HSD17B3: variants seen among roughly 807,000 people sequenced by gnomAD.
HSD17B3 encodes 17-beta-hydroxysteroid dehydrogenase type 3.
A neutral mutation model predicts 41.1 loss-of-function variants in HSD17B3; 29 were observed. That is an observed-to-expected ratio of 0.71 (90% CI 0.53 to 0.96). HSD17B3 has a LOEUF of 0.96. HSD17B3 is among the 40% of genes least tolerant of loss of function. The pLI is 0.00. For synonymous variants in HSD17B3, 126 were observed against 145.6 expected, an observed-to-expected ratio of 0.87 and a Z score of 0.97; for missense variants, 323 against 374.6, an observed-to-expected ratio of 0.86 and a Z score of 1.14.
chr9:96,297,293 T>C (rs1220637310), intron 2 of HSD17B3, among the ~76,000 whole-genome samples: 2 of 151,728 alleles, frequency 1.3e-5, no homozygotes, highest in African/African-American at 2.4e-5. Context: ...TATTTTTCTA[T>C]TGCAAATGGA....
chr9:96,254,817 G>C (rs1038320364), intron 3 of HSD17B3, 51 bp downstream of exon 3: 9 of 1,484,366 alleles, frequency 6.1e-6, no homozygotes, highest in Admixed American at 5.1e-5. Context: ...GTGGGAGCAG[G>C]CTTGGTTGGA....
intron 2 of HSD17B3, among the ~76,000 whole-genome samples, chr9:96,279,528 A>T (rs1197473724): frequency 6.6e-6 from 1 of 152,198 alleles, no homozygotes; most frequent in Non-Finnish European, 1.5e-5. Context: ...AGCAGGCTTT[A>T]GAGAGAATAG....
intron 2 of HSD17B3, among the ~76,000 whole-genome samples, chr9:96,290,456 C>T (rs868463762): frequency 1.0e-3 from 81 of 78,424 alleles, no homozygotes; most frequent in East Asian, 2.0e-3. Flanking sequence ...ATTTCCTGGG[C>T]TTTTTTTTTT....
chr9:96,255,940 T>G (rs1334176928), intron 2 of HSD17B3, among the ~76,000 whole-genome samples: 1 of 152,112 alleles, frequency 6.6e-6, no homozygotes, highest in African/African-American at 2.4e-5. Flanking sequence ...GTCAGAGAGA[T>G]TCCGCGGGGG....
rs548110479 is a variant in HSD17B3, at chr9:96,295,638, G to A, written c.201+2778C>T. Among the ~76,000 whole-genome samples, 21 of 152,116 alleles carry A rather than the reference G, an allele frequency of 1.4e-4. No individual in the cohort carries two copies. The South Asian group carries it at 2.1e-3, about 15-fold the overall frequency. ...GCGTGAGCCACTGCGCCCAGCCCAC[G>A]AGGAGCTTTTTTAACTGACATGCTT... On this transcript the variant is annotated intron_variant, in intron 2 of 10. Coordinates refer to ENST00000375263, the MANE Select transcript of HSD17B3 (RefSeq NM_000197.2).
intron 3 of HSD17B3, among the ~76,000 whole-genome samples, chr9:96,254,527 CTCTT>C (rs1825550112): frequency 6.6e-6 from 1 of 152,232 alleles, no homozygotes; most frequent in African/African-American, 2.4e-5. Context: ...AGAATTGACT[CTCTT>C]TCTTATTCAG....
chr9:96,256,244 G>C (rs1046759681), intron 2 of HSD17B3: 11 of 152,160 alleles, frequency 7.2e-5, no homozygotes, highest in East Asian at 1.9e-4. Context: ...ACAAATTTCT[G>C]TGTCATCCTT....
intron 2 of HSD17B3, among the ~76,000 whole-genome samples, chr9:96,265,782 C>T (rs1195087829): frequency 6.6e-6 from 1 of 152,130 alleles, no homozygotes; most frequent in Non-Finnish European, 1.5e-5. Context: ...AATAAAATAG[C>T]TTTACATAAA....
At chr9:96,270,397 G>A (rs1740833208) in intron 2 of HSD17B3, among the ~76,000 whole-genome samples, 1 of 152,044 alleles carries the variant, frequency 6.6e-6, no homozygotes, top group Non-Finnish European at 1.5e-5. Flanking sequence ...CAAGAACAAA[G>A]GAACAAATCT....
At chr9:96,289,812 A>C (rs975629762) in intron 2 of HSD17B3, among the ~76,000 whole-genome samples, 3 of 151,986 alleles carry the variant, frequency 2.0e-5, no homozygotes, top group African/African-American at 7.3e-5. Context: ...GGCTCCATAC[A>C]CAGGTTTTGC....
intron 2 of HSD17B3, among the ~76,000 whole-genome samples, chr9:96,260,468 G>A (rs575750654): frequency 2.0e-5 from 3 of 152,074 alleles, no homozygotes; most frequent in Non-Finnish European, 4.4e-5. Flanking sequence ...TCTTGGGTTT[G>A]GGCCAACCTA....
intron 10 of HSD17B3, chr9:96,240,030 C>T (rs2130702913): frequency 6.7e-6 from 1 of 149,116 alleles, no homozygotes; most frequent in South Asian, 2.1e-4. Context: ...AATGAGAACA[C>T]ATGGACACAG....
intron 2 of HSD17B3, among the ~76,000 whole-genome samples, chr9:96,287,755 C>G (rs949679079): frequency 1.3e-5 from 2 of 151,558 alleles, no homozygotes; most frequent in African/African-American, 4.8e-5. Flanking sequence ...AAAAAGACAA[C>G]TTTACCTTGC....
intron 6 of HSD17B3, 69 bp downstream of exon 6, chr9:96,249,682 A>G: frequency 7.0e-7 from 1 of 1,430,322 alleles, no homozygotes; most frequent in Non-Finnish European, 9.9e-7. Flanking sequence ...GATGGGCACA[A>G]TTCTCCTGAG....
intron 2 of HSD17B3, among the ~76,000 whole-genome samples, chr9:96,269,121 G>A (rs1293988797): frequency 6.6e-6 from 1 of 152,182 alleles, no homozygotes; most frequent in Non-Finnish European, 1.5e-5. Flanking sequence ...CTTTGTGGTA[G>A]AGCCCATTGC....
intron 2 of HSD17B3, among the ~76,000 whole-genome samples, chr9:96,261,267 C>G (rs577311757): frequency 2.6e-5 from 4 of 152,020 alleles, no homozygotes; most frequent in African/African-American, 9.6e-5. Flanking sequence ...ATGATGTTGG[C>G]TCACTGCAAC....
intron 8 of HSD17B3, among the ~76,000 whole-genome samples, chr9:96,244,708 C>T (rs1587716994): frequency 1.3e-5 from 2 of 151,910 alleles, no homozygotes; most frequent in East Asian, 3.9e-4. Flanking sequence ...TATGTTAATT[C>T]GCTTGACTTG....
rs74823051 is a variant in HSD17B3, at chr9:96,299,980, G to A, written c.155-1518C>T. Among the ~76,000 whole-genome samples, 1,270 of 151,944 alleles carry A rather than the reference G, an allele frequency of 8.4e-3. 26 individuals carry two copies. Among genetic ancestry groups the A allele is most frequent in the African/African-American group, 0.029 (1,208 of 41,400 alleles). On this transcript the variant is annotated intron_variant, in intron 1 of 10. Coordinates refer to ENST00000375263, the MANE Select transcript of HSD17B3 (RefSeq NM_000197.2). ...CAGGTTAAGATCATGTTTTTCCTTTGAGTCACCAAATGCTCTTAGTCTCTG... is the reference window on the plus strand; with the variant it reads ...CAGGTTAAGATCATGTTTTTCCTTTAAGTCACCAAATGCTCTTAGTCTCTG...
At chr9:96,288,134 G>A (rs956376242) in intron 2 of HSD17B3, among the ~76,000 whole-genome samples, 1 of 152,208 alleles carries the variant, frequency 6.6e-6, no homozygotes, top group African/African-American at 2.4e-5. Context: ...AGGAATGCAG[G>A]ATTAATAGCA....
Sources: allele counts gnomAD v4.1 joint callset (sites outside exome capture counted in the v4.1 genomes callset), GRCh38; gene constraint gnomAD v4.1.1; transcripts MANE v1.5; gene names NCBI Gene and HGNC (gene_info 2026-07-23, HGNC 2026-07-21).